Variants in SPRR1B observed in about 807,000 individuals in gnomAD.
SPRR1B encodes the protein cornifin-B.
In SPRR1B, 1 loss-of-function variant was observed where a neutral mutation model predicts 1.2. That is an observed-to-expected ratio of 0.82 (90% CI 0.29 to 3.89). The LOEUF (loss-of-function observed/expected upper bound fraction) is 3.89. SPRR1B is among the 30% of genes most tolerant of loss of function. SPRR1B has a pLI of 0.18. For synonymous variants in SPRR1B, 37 were observed against 38.3 expected (o/e 0.97, Z 0.13); for missense variants, 102 against 106.0 (o/e 0.96, Z 0.17).
rs537905655 is a variant in SPRR1B, at chr1:153,032,873, A to G, written c.*258A>G. 14 of 587,530 alleles carry G rather than the reference A, an allele frequency of 2.4e-5. No homozygotes were observed. The East Asian group carries it at 3.9e-4, about 17-fold the overall frequency. 36.4% of individuals were successfully genotyped at this position (587,530 alleles called of 1,614,324 possible). A position where few individuals can be genotyped will look rare whatever the true frequency, so the allele number is the denominator to read the frequency against. ...AAAGCAAATGATTCAGCTCCCTTAT[A>G]CCCCCATTAAATTCACTTTCAATTC... is the stretch of plus-strand genomic sequence containing the variant. On this transcript the variant is annotated 3_prime_UTR_variant, in exon 2 of 2. Transcript: ENST00000307098.
In SPRR1B at chr1:153,032,783, G is replaced by T. The variant is rs989926260; in HGVS notation, c.*168G>T. ...ACACTCTGAGTCTCTGAATGAAGCTGAAGGTCTTAGTACCAGAGCTAGTTT... is the reference window on the plus strand; with the variant it reads ...ACACTCTGAGTCTCTGAATGAAGCTTAAGGTCTTAGTACCAGAGCTAGTTT... On this transcript the variant is annotated 3_prime_UTR_variant, in exon 2 of 2. Coordinates refer to ENST00000307098, the MANE Select transcript of SPRR1B (RefSeq NM_003125.3). 6.3e-6 allele frequency: 8 copies of T among 1,265,094 alleles called. No homozygotes were observed. The highest frequency in any genetic ancestry group is 8.6e-6 in the Non-Finnish European group (8 of 931,210). 78.4% of individuals were successfully genotyped at this position (1,265,094 alleles called of 1,614,324 possible).
rs780039404 is a variant in SPRR1B, at chr1:153,032,522, C to T, written c.177C>T (p.Pro59=). ...CCAAAGTGCCCGAGCCCTGCCAGCC[C>T]AAGGTTCCAGAGCCATGCCACCCCA... ...CHPKVPEPCQ[P]KVPEPCHPKV... is the part of the protein sequence containing the mutation. Residue 59 remains proline, a synonymous_variant, in exon 2 of 2, where the codon CCC becomes CCT. Transcript: ENST00000307098. 5.7e-5 allele frequency: 85 copies of T among 1,494,120 alleles called. No individual in the cohort carries two copies. In the Admixed American group the frequency reaches 1.2e-3, roughly 21 times the overall value. 92.6% of individuals were successfully genotyped at this position (1,494,120 alleles called of 1,614,324 possible). A position where few individuals can be genotyped will look rare whatever the true frequency, so the allele number is the denominator to read the frequency against.
rs1360539944 is a variant in SPRR1B at position 153,032,704 on chromosome 1, A to C, written c.*89A>C. ...GCGTATGAGTCCCATTTGCCTTGCA[A>C]TTAGCATTCTGTCTCCCCCAAAAAA... On this transcript the variant is annotated 3_prime_UTR_variant, in exon 2 of 2. Coordinates refer to ENST00000307098, the MANE Select transcript of SPRR1B (RefSeq NM_003125.3). The C allele has an allele frequency of 6.5e-7, 1 of 1,531,514 alleles. No homozygotes were observed. The highest frequency in any genetic ancestry group is 8.8e-7 in the Non-Finnish European group (1 of 1,139,978). The allele number at this position is 1,531,514 out of a possible 1,614,324, so 94.9% of individuals were successfully genotyped here.
At chr1:153,032,041 A>G (rs1341518851) in intron 1 of SPRR1B, among the ~76,000 whole-genome samples, 1 of 152,032 alleles carries the variant, frequency 6.6e-6, no homozygotes, top group Non-Finnish European at 1.5e-5. Flanking sequence ...TTTTTTTCCA[A>G]AGAACCTCAC....
At chr1:153,032,264 A>G in intron 1 of SPRR1B, 63 bp from the exon 2 acceptor site, 3 of 1,521,314 alleles carry the variant, frequency 2.0e-6, no homozygotes, top group Non-Finnish European at 2.7e-6. Flanking sequence ...AGAGACCAGA[A>G]GTGGTATTCA....
At position 153,032,787 on chromosome 1, in the gene SPRR1B, G is replaced by A; in HGVS notation, c.*172G>A. ...TCTGAGTCTCTGAATGAAGCTGAAGGTCTTAGTACCAGAGCTAGTTTTCAG... is the reference window on the plus strand; with the variant it reads ...TCTGAGTCTCTGAATGAAGCTGAAGATCTTAGTACCAGAGCTAGTTTTCAG... On this transcript the variant is annotated 3_prime_UTR_variant, in exon 2 of 2. Coordinates refer to ENST00000307098, the MANE Select transcript of SPRR1B (RefSeq NM_003125.3). 8.1e-7 allele frequency: 1 copy of A among 1,239,862 alleles called. No individual in the cohort carries two copies. Among genetic ancestry groups the A allele is most frequent in the South Asian group, 1.7e-5 (1 of 59,712 alleles). The allele number at this position is 1,239,862 out of a possible 1,614,324, so 76.8% of individuals were successfully genotyped here. A position where few individuals can be genotyped will look rare whatever the true frequency, so the allele number is the denominator to read the frequency against.
Position 153,032,471 on chromosome 1 carries a change from C to A in SPRR1B, c.126C>A (p.His42Gln), listed in dbSNP as rs201925274. 3 of 1,496,334 alleles carry A rather than the reference C, an allele frequency of 2.0e-6. No individual in the cohort carries two copies. The highest frequency in any genetic ancestry group is 9.2e-7 in the Non-Finnish European group (1 of 1,086,108). 92.7% of individuals were successfully genotyped at this position (1,496,334 alleles called of 1,614,324 possible). ...TCCCCAAAACCAAGGAGCCCTGCCA[C>A]CCCAAGGTGCCTGAGCCCTGCCACC... ...PCIPKTKEPCHPKVPEPCHPK... is the reference protein window; with the variant it reads ...PCIPKTKEPCQPKVPEPCHPK... The change falls in exon 2 of 2, where the codon CAC (histidine) becomes CAA (glutamine). Residue 42 changes from histidine (H) to glutamine (Q), a missense_variant. By Grantham distance (24) the His-to-Gln change is conservative. Coordinates refer to ENST00000307098, the MANE Select transcript of SPRR1B (RefSeq NM_003125.3).
At chr1:153,032,199 GAAATT>G (rs1427373814) in intron 1 of SPRR1B, 123 bp from the exon 2 acceptor site, 14 of 1,245,610 alleles carry the variant, frequency 1.1e-5, no homozygotes, top group Non-Finnish European at 1.5e-5. Context: ...CAAAGGCTCA[GAAATT>G]AAATTAAGTA....
rs138642540 is a variant in SPRR1B at position 153,031,660 on chromosome 1, T to A, written c.-20+413T>A. 1.6e-4 allele frequency among the ~76,000 whole-genome samples: 24 copies of A among 152,362 alleles called. No individual in the cohort carries two copies. In the East Asian group the frequency reaches 3.1e-3, roughly 20 times the overall value. On this transcript the variant is annotated intron_variant, in intron 1 of 1. Transcript: ENST00000307098. ...TGAGAGCTTACTATATTTGGCAATT[T>A]GTTTGCAAAGAAATAATTTAAGCAT...
In SPRR1B at chr1:153,032,551, T is replaced by C; in HGVS notation, c.206T>C (p.Val69Ala). Reference sequence around the variant, plus strand: ...GTTCCAGAGCCATGCCACCCCAAGGTGCCTGAGCCCTGCCCTTCAATAGTC... The same window carrying C: ...GTTCCAGAGCCATGCCACCCCAAGGCGCCTGAGCCCTGCCCTTCAATAGTC... ...PKVPEPCHPK[V>A]PEPCPSIVTP... The change falls in exon 2 of 2, where the codon GTG becomes GCG. Residue 69 changes from valine to alanine, a missense_variant. Val to Ala is a moderately conservative substitution (Grantham distance 64). Transcript: ENST00000307098. 1 of 1,612,272 alleles carries C rather than the reference T, an allele frequency of 6.2e-7. No individual in the cohort carries two copies. Among genetic ancestry groups the C allele is most frequent in the Non-Finnish European group, 8.5e-7 (1 of 1,178,840 alleles).
chr1:153,031,248 G>A lies in SPRR1B; in HGVS notation c.-20+1G>A, dbSNP rs1458252644. On this transcript the variant is annotated splice_donor_variant, in intron 1 of 1. Coordinates refer to ENST00000307098, the MANE Select transcript of SPRR1B (RefSeq NM_003125.3). LOFTEE classifies it low-confidence loss of function (5UTR_SPLICE). The stretch of plus-strand genomic sequence containing the variant: ...CAGAGTATTCCTCTCTTCACACCAG[G>A]TGAGTCTCTTTACTTGGAACTCTTT... 6.6e-6 allele frequency: 1 copy of A among 152,170 alleles called. No individual in the cohort carries two copies. The highest frequency in any genetic ancestry group is 1.5e-5 in the Non-Finnish European group (1 of 68,028). 9.4% of individuals were successfully genotyped at this position (152,170 alleles called of 1,614,324 possible).
chr1:153,032,353 C>T lies in SPRR1B; in HGVS notation c.8C>T (p.Ser3Phe), dbSNP rs779213584. MSSQQQKQPCTPP... is the reference protein window; with the variant it reads MSFQQQKQPCTPP... ...ACCAGTCACTGTTGCAGCATGAGTT[C>T]CCAGCAGCAGAAGCAGCCTTGCACC... Residue 3 changes from serine (S) to phenylalanine (F), a missense_variant, in exon 2 of 2, where the codon TCC becomes TTC. Coordinates refer to ENST00000307098, the MANE Select transcript of SPRR1B (RefSeq NM_003125.3). The T allele has an allele frequency of 1.2e-6, 2 of 1,613,656 alleles. No individual in the cohort carries two copies. The highest frequency in any genetic ancestry group is 1.7e-6 in the Non-Finnish European group (2 of 1,179,806).
chr1:153,031,298 T>G (rs1442557154), intron 1 of SPRR1B, 51 bp downstream of exon 1: 1 of 148,338 alleles, frequency 6.7e-6, no homozygotes, highest in East Asian at 2.0e-4. Context: ...GTATTTAATT[T>G]TTATTAGAGT....
At position 153,032,341 on chromosome 1, in the gene SPRR1B, G is replaced by A; in HGVS notation, c.-5G>A. The A allele has an allele frequency of 6.2e-7, 1 of 1,613,078 alleles. No homozygotes were observed. The highest frequency in any genetic ancestry group is 1.3e-5 in the African/African-American group (1 of 74,904). Reference sequence around the variant, plus strand: ...TCTGTGTCCAGGACCAGTCACTGTTGCAGCATGAGTTCCCAGCAGCAGAAG... The same window carrying A: ...TCTGTGTCCAGGACCAGTCACTGTTACAGCATGAGTTCCCAGCAGCAGAAG... On this transcript the variant is annotated 5_prime_UTR_variant, in exon 2 of 2. Coordinates refer to ENST00000307098, the MANE Select transcript of SPRR1B (RefSeq NM_003125.3).
intron 1 of SPRR1B, 95 bp from the exon 2 acceptor site, chr1:153,032,232 G>T (rs1035220921): frequency 1.4e-6 from 2 of 1,396,220 alleles, no homozygotes; most frequent in Non-Finnish European, 2.0e-6. Flanking sequence ...TGGTCAAGAA[G>T]GGGAAAGAAC....
At chr1:153,032,066 A>G (rs990469154) in intron 1 of SPRR1B, among the ~76,000 whole-genome samples, 1 of 152,090 alleles carries the variant, frequency 6.6e-6, no homozygotes, top group Admixed American at 6.6e-5. Flanking sequence ...CCAATGGTCC[A>G]GTATTATGAG....
intron 1 of SPRR1B, 150 bp from the exon 2 acceptor site, chr1:153,032,177 G>A: frequency 9.5e-7 from 1 of 1,048,448 alleles, no homozygotes; most frequent in Non-Finnish European, 1.4e-6. Context: ...TCATCTTTAG[G>A]TTCCTCTTCT....
chr1:153,032,537 A>C lies in SPRR1B; in HGVS notation c.192A>C (p.Pro64=), dbSNP rs2339500. Residue 64 remains proline (P), a synonymous_variant, in exon 2 of 2, where the codon CCA becomes CCC. Transcript: ENST00000307098. ...CCTGCCAGCCCAAGGTTCCAGAGCC[A>C]TGCCACCCCAAGGTGCCTGAGCCCT... ...PEPCQPKVPE[P]CHPKVPEPCP... The C allele has an allele frequency of 3.0e-5, 45 of 1,490,406 alleles. No homozygotes were observed. The highest frequency in any genetic ancestry group is 3.9e-5 in the Non-Finnish European group (42 of 1,081,978). 92.3% of individuals were successfully genotyped at this position (1,490,406 alleles called of 1,614,324 possible).
In SPRR1B at chr1:153,032,571, A is replaced by G. The variant is rs767639236; in HGVS notation, c.226A>G (p.Ile76Val). The G allele has an allele frequency of 1.2e-6, 2 of 1,613,812 alleles. No individual in the cohort carries two copies. Among genetic ancestry groups the G allele is most frequent in the African/African-American group, 1.3e-5 (1 of 74,958 alleles). ...CAAGGTGCCTGAGCCCTGCCCTTCAATAGTCACTCCAGCACCAGCCCAGCA... is the reference window on the plus strand; with the variant it reads ...CAAGGTGCCTGAGCCCTGCCCTTCAGTAGTCACTCCAGCACCAGCCCAGCA... Reference protein sequence around the residue: ...HPKVPEPCPSIVTPAPAQQKT... With the variant: ...HPKVPEPCPSVVTPAPAQQKT... The change falls in exon 2 of 2, where the codon ATA becomes GTA. Residue 76 changes from isoleucine (I) to valine (V), a missense_variant. Transcript: ENST00000307098.
Sources: gnomAD v4.1 joint callset for allele counts (sites outside exome capture counted in the v4.1 genomes callset) on GRCh38, gnomAD v4.1.1 for gene constraint, MANE v1.5 for transcripts, NCBI Gene and HGNC (gene_info 2026-07-23, HGNC 2026-07-21) for gene names.